The following GABPB2 variants were observed in gnomAD, a reference collection of about 807,000 sequenced individuals.
GABPB2 encodes the protein GA-binding protein subunit beta-2.
A neutral mutation model predicts 39.1 loss-of-function variants in GABPB2; 23 were observed. The ratio of observed to expected loss-of-function variants is 0.59; its 90% CI spans 0.42 to 0.83. The LOEUF (loss-of-function observed/expected upper bound fraction) is 0.83, where lower values mean the gene tolerates loss of function less well. Ranked by LOEUF, GABPB2 falls within the 40% of genes least tolerant of loss-of-function variation. The pLI is 0.00. For missense variants in GABPB2, 467 were observed against 541.1 expected (o/e 0.86, Z 1.36); for synonymous variants, 184 against 199.3 (o/e 0.92, Z 0.65).
chr1:151,075,722 C>CAA (rs200994503), intron 1 of GABPB2, among the ~76,000 whole-genome samples: 1 of 144,260 alleles, frequency 6.9e-6, no homozygotes, highest in Non-Finnish European at 1.5e-5. Context: ...AAAACCCCCC[C>CAA]CAAAAAAACC....
chr1:151,103,008 A>G (rs1679654046), intron 5 of GABPB2, among the ~76,000 whole-genome samples: 1 of 151,538 alleles, frequency 6.6e-6, no homozygotes, highest in Admixed American at 6.6e-5. Flanking sequence ...GAGAATGATT[A>G]AATGAGGGGA....
chr1:151,071,356 ACT>A lies in GABPB2; in HGVS notation c.-1+426_-1+427del, dbSNP rs1571864899. On this transcript the variant is annotated intron_variant, in intron 1 of 8. Coordinates refer to ENST00000368918, the MANE Select transcript of GABPB2 (RefSeq NM_144618.3). ...GTTTATGATAGAGAGGGAAACGGCG[ACT>A]CTCATTATCTGACCCAAATAATGAC... 2.7e-5 allele frequency among the ~76,000 whole-genome samples: 4 copies of A among 150,042 alleles called. No homozygotes were observed. In the East Asian group the frequency reaches 7.8e-4, roughly 29 times the overall value.
chr1:151,105,589 A>T (rs1437966816), intron 6 of GABPB2, among the ~76,000 whole-genome samples: 1 of 151,908 alleles, frequency 6.6e-6, no homozygotes. Flanking sequence ...ATCAGAGCTC[A>T]CTGCAGCTTC....
intron 1 of GABPB2, among the ~76,000 whole-genome samples, chr1:151,081,838 T>C (rs997975021): frequency 5.9e-5 from 9 of 151,892 alleles, no homozygotes; most frequent in African/African-American, 2.2e-4. Flanking sequence ...AGTTTCACTA[T>C]GTTGGCCAGG....
At chr1:151,073,613 A>C (rs1003417846) in intron 1 of GABPB2, among the ~76,000 whole-genome samples, 6 of 151,988 alleles carry the variant, frequency 3.9e-5, no homozygotes, top group African/African-American at 1.4e-4. Flanking sequence ...TTTTAAGTGA[A>C]AGCAAGTTGC....
chr1:151,071,586 C>CA (rs1270046258), intron 1 of GABPB2, among the ~76,000 whole-genome samples: 1 of 151,988 alleles, frequency 6.6e-6, no homozygotes, highest in Non-Finnish European at 1.5e-5. Flanking sequence ...TCTCCTGCCT[C>CA]AGCCTCCCGA....
chr1:151,106,242 G>T (rs1161098469), intron 6 of GABPB2, among the ~76,000 whole-genome samples: 2 of 151,848 alleles, frequency 1.3e-5, no homozygotes, highest in African/African-American at 4.8e-5. Context: ...GATTACAGGC[G>T]TGAGCCACCG....
rs1456420614 is a variant in GABPB2 at position 151,121,978 on chromosome 1, G to A, written c.*3722G>A. On this transcript the variant is annotated 3_prime_UTR_variant, in exon 9 of 9. Coordinates refer to ENST00000368918, the MANE Select transcript of GABPB2 (RefSeq NM_144618.3). ...ATGGTTTTCTTAATTAGCAGTCATG[G>A]GGAAAACATGCATTTTTAATTTGGA... 1 of 152,138 alleles carries A rather than the reference G, an allele frequency of 6.6e-6. No individual in the cohort carries two copies. Among genetic ancestry groups the A allele is most frequent in the Non-Finnish European group, 1.5e-5 (1 of 68,032 alleles). 9.4% of individuals were successfully genotyped at this position (152,138 alleles called of 1,614,324 possible).
intron 1 of GABPB2, among the ~76,000 whole-genome samples, chr1:151,077,164 G>A (rs925208841): frequency 2.6e-5 from 4 of 152,026 alleles, no homozygotes; most frequent in African/African-American, 9.7e-5. Context: ...TCCGTAAAAG[G>A]AATCTCACAT....
intron 7 of GABPB2, among the ~76,000 whole-genome samples, chr1:151,116,099 C>T (rs944146867): frequency 1.0e-4 from 15 of 146,594 alleles, no homozygotes; most frequent in Admixed American, 5.5e-4. Context: ...TGAGACTTCT[C>T]GATAAAAAAA....
chr1:151,084,558 G>T (rs1297989581), intron 1 of GABPB2, among the ~76,000 whole-genome samples: 1 of 105,208 alleles, frequency 9.5e-6, no homozygotes, highest in Non-Finnish European at 1.9e-5. Flanking sequence ...TTTTTGAGAC[G>T]GAGTCTCACT....
intron 1 of GABPB2, among the ~76,000 whole-genome samples, chr1:151,074,351 C>A (rs2102990741): frequency 6.7e-6 from 1 of 150,052 alleles, no homozygotes; most frequent in East Asian, 2.0e-4. Flanking sequence ...CGCTCTGTCG[C>A]CCAGGCTGGA....
At chr1:151,081,182 C>T (rs7514185) in intron 1 of GABPB2, among the ~76,000 whole-genome samples, 106,227 of 151,146 alleles carry the variant, frequency 0.7, 38,543 homozygotes, top group East Asian at 0.89. Flanking sequence ...CAACATAAAA[C>T]ATTTTTATAA....
rs991699924 is a variant in GABPB2, at chr1:151,122,464, A to T, written c.*4208A>T. On this transcript the variant is annotated 3_prime_UTR_variant, in exon 9 of 9. Transcript: ENST00000368918. Reference sequence around the variant, plus strand: ...GTTATGTGTGGGATTTCGGAGCCTTACTTTAACGATAGAGGAACCAAGTAT... The same window carrying T: ...GTTATGTGTGGGATTTCGGAGCCTTTCTTTAACGATAGAGGAACCAAGTAT... The T allele has an allele frequency of 6.6e-6, 1 of 151,312 alleles. No homozygotes were observed. The highest frequency in any genetic ancestry group is 1.5e-5 in the Non-Finnish European group (1 of 67,544). The allele number at this position is 151,312 out of a possible 1,614,324, so 9.4% of individuals were successfully genotyped here. A position where few individuals can be genotyped will look rare whatever the true frequency, so the allele number is the denominator to read the frequency against.
rs6667974 is a variant in GABPB2, at chr1:151,080,237, A to C, written c.1-7953A>C. 2.3e-3 allele frequency among the ~76,000 whole-genome samples: 339 copies of C among 146,906 alleles called. 6 individuals carry two copies. The highest frequency in any genetic ancestry group is 7.7e-3 in the African/African-American group (294 of 38,226). ...TCTCAAAAAAAAAAAAAAAAAAAAA[A>C]AAAAAAACAATAATTAGCTGGGTAT... is the stretch of plus-strand genomic sequence containing the variant. On this transcript the variant is annotated intron_variant, in intron 1 of 8. Coordinates refer to ENST00000368918, the MANE Select transcript of GABPB2 (RefSeq NM_144618.3).
intron 4 of GABPB2, among the ~76,000 whole-genome samples, chr1:151,096,687 C>G (rs1301962070): frequency 6.6e-6 from 1 of 151,980 alleles, no homozygotes; most frequent in Non-Finnish European, 1.5e-5. Flanking sequence ...GCATATGGAG[C>G]GAGACTTTAA....
chr1:151,071,207 C>T (rs1676678568), intron 1 of GABPB2, among the ~76,000 whole-genome samples: 1 of 152,034 alleles, frequency 6.6e-6, no homozygotes, highest in Non-Finnish European at 1.5e-5. Context: ...GCCCAGGCCG[C>T]GGAGGTGACC....
At position 151,072,185 on chromosome 1, in the gene GABPB2, T is replaced by C. The variant is rs587646955; in HGVS notation, c.-1+1251T>C. 7.2e-5 allele frequency among the ~76,000 whole-genome samples: 11 copies of C among 152,356 alleles called. No individual in the cohort carries two copies. In the South Asian group the frequency reaches 2.3e-3, roughly 32 times the overall value. The stretch of plus-strand genomic sequence containing the variant: ...TAAACAAAAGTAATTACTCTAATTA[T>C]CTTGGATAATAGAGTACTTTGTTGT... On this transcript the variant is annotated intron_variant, in intron 1 of 8. Transcript: ENST00000368918.
chr1:151,114,125 A>G (rs1680672503), intron 7 of GABPB2, among the ~76,000 whole-genome samples: 1 of 151,564 alleles, frequency 6.6e-6, no homozygotes, highest in Admixed American at 6.6e-5. Context: ...GCCGGCAGAT[A>G]GCTTAAGCCC....
Sources: allele counts gnomAD v4.1 joint callset (sites outside exome capture counted in the v4.1 genomes callset), GRCh38; gene constraint gnomAD v4.1.1; transcripts MANE v1.5; gene names NCBI Gene and HGNC (gene_info 2026-07-23, HGNC 2026-07-21).